CTNND2: variants seen among roughly 807,000 people sequenced by gnomAD.
CTNND2 encodes the protein catenin delta-2.
In CTNND2, 22 loss-of-function variants were observed where a neutral mutation model predicts 144.4. The ratio of observed to expected loss-of-function variants is 0.15; its 90% confidence interval spans 0.11 to 0.22. CTNND2 has a LOEUF of 0.22. CTNND2 is among the 10% of genes least tolerant of loss of function. The probability of loss-of-function intolerance (pLI) is 1.00; values close to 1 mark genes in which losing one functional copy is unlikely to be tolerated. For synonymous variants in CTNND2, 751 were observed against 695.6 expected, an observed-to-expected ratio of 1.08 and a Z score of -1.25; for missense variants, 1,353 against 1,618.8, an observed-to-expected ratio of 0.84 and a Z score of 2.82.
chr5:11,222,527 G>A (rs1346962822), intron 10 of CTNND2, among the ~76,000 whole-genome samples: 1 of 152,158 alleles, frequency 6.6e-6, no homozygotes, highest in Non-Finnish European at 1.5e-5. Flanking sequence ...AAAGCCTTGT[G>A]GGGTGTGTTG....
intron 9 of CTNND2, among the ~76,000 whole-genome samples, chr5:11,335,037 C>T (rs774788265): frequency 2.6e-5 from 4 of 152,148 alleles, no homozygotes; most frequent in Non-Finnish European, 5.9e-5. Flanking sequence ...CTCTTTCTTA[C>T]CTTTCCTCCT....
At chr5:11,893,317 C>A (rs1737132700) in intron 1 of CTNND2, among the ~76,000 whole-genome samples, 1 of 152,098 alleles carries the variant, frequency 6.6e-6, no homozygotes, top group Non-Finnish European at 1.5e-5. Context: ...AAATAGCTAC[C>A]CTTCAACTAG....
At chr5:11,517,108 C>T (rs1772232886) in intron 3 of CTNND2, among the ~76,000 whole-genome samples, 1 of 152,116 alleles carries the variant, frequency 6.6e-6, no homozygotes, top group Admixed American at 6.6e-5. Context: ...AACACTTAAC[C>T]ATTGTGTTTA....
At chr5:11,636,281 A>G (rs1781699924) in intron 2 of CTNND2, among the ~76,000 whole-genome samples, 1 of 152,168 alleles carries the variant, frequency 6.6e-6, no homozygotes, top group African/African-American at 2.4e-5. Context: ...CCGCTCCAGA[A>G]TCATTGTTCA....
intron 1 of CTNND2, among the ~76,000 whole-genome samples, chr5:11,789,550 G>C (rs763613383): frequency 6.6e-6 from 1 of 151,990 alleles, no homozygotes; most frequent in Non-Finnish European, 1.5e-5. Flanking sequence ...CTGGTATAGA[G>C]GAAAGCTATT....
At chr5:11,755,041 T>A (rs1480699562) in intron 1 of CTNND2, among the ~76,000 whole-genome samples, 1 of 151,614 alleles carries the variant, frequency 6.6e-6, no homozygotes, top group African/African-American at 2.4e-5. Flanking sequence ...TGTCACTGAT[T>A]TATGTAGTTG....
intron 3 of CTNND2, among the ~76,000 whole-genome samples, chr5:11,460,170 A>G (rs1158861900): frequency 1.3e-5 from 2 of 152,194 alleles, no homozygotes. Flanking sequence ...AGCCTCCAAC[A>G]TAGGTGAGAC....
At chr5:11,635,932 A>C (rs1030272440) in intron 2 of CTNND2, among the ~76,000 whole-genome samples, 1 of 151,910 alleles carries the variant, frequency 6.6e-6, no homozygotes, top group African/African-American at 2.4e-5. Flanking sequence ...TCTACTTTAT[A>C]TCACAACTGA....
intron 1 of CTNND2, among the ~76,000 whole-genome samples, chr5:11,878,135 A>G (rs1735697393): frequency 6.6e-6 from 1 of 152,222 alleles, no homozygotes; most frequent in Non-Finnish European, 1.5e-5. Context: ...TGTAAAAGCA[A>G]TCAGAAACAC....
chr5:11,267,390 T>C (rs1005386061), intron 9 of CTNND2, among the ~76,000 whole-genome samples: 3 of 152,222 alleles, frequency 2.0e-5, no homozygotes, highest in African/African-American at 4.8e-5. Flanking sequence ...AAAACATTTC[T>C]ACAGTTTATT....
At chr5:11,378,784 C>CT (rs111508900) in intron 7 of CTNND2, among the ~76,000 whole-genome samples, 7 of 151,696 alleles carry the variant, frequency 4.6e-5, no homozygotes, top group African/African-American at 9.7e-5. Context: ...GGACTAGACT[C>CT]TTTTTTTTTC....
At chr5:11,335,248 C>T (rs1753621818) in intron 9 of CTNND2, among the ~76,000 whole-genome samples, 1 of 152,166 alleles carries the variant, frequency 6.6e-6, no homozygotes, top group Admixed American at 6.5e-5. Context: ...CTAATCTTCT[C>T]CTTATCAAGG....
At chr5:11,337,618 A>G (rs1329223763) in intron 9 of CTNND2, among the ~76,000 whole-genome samples, 2 of 152,258 alleles carry the variant, frequency 1.3e-5, no homozygotes, top group African/African-American at 4.8e-5. Context: ...TAACCACGAA[A>G]GAGGAAGTAA....
intron 3 of CTNND2, among the ~76,000 whole-genome samples, chr5:11,468,620 G>A (rs1232000109): frequency 6.6e-6 from 1 of 152,082 alleles, no homozygotes; most frequent in South Asian, 2.1e-4. Context: ...AAACCCTCCT[G>A]CGAGGCTTTA....
intron 21 of CTNND2, among the ~76,000 whole-genome samples, chr5:10,976,172 A>G (rs1344052297): frequency 3.0e-5 from 3 of 100,948 alleles, no homozygotes; most frequent in African/African-American, 1.0e-4. Context: ...CTCTTGTGGT[A>G]TCTTGTGGTA....
intron 3 of CTNND2, among the ~76,000 whole-genome samples, chr5:11,453,128 G>A (rs1485515587): frequency 6.6e-6 from 1 of 152,204 alleles, no homozygotes; most frequent in African/African-American, 2.4e-5. Context: ...GGCAGCTGAA[G>A]TTTAAAACCA....
At chr5:11,514,908 T>A (rs923833006) in intron 3 of CTNND2, among the ~76,000 whole-genome samples, 8 of 152,142 alleles carry the variant, frequency 5.3e-5, no homozygotes, top group African/African-American at 1.7e-4. Flanking sequence ...GTTCAAGCAA[T>A]TCTGTCTCAG....
At chr5:11,085,577 C>T (rs932597302) in intron 15 of CTNND2, among the ~76,000 whole-genome samples, 2 of 152,154 alleles carry the variant, frequency 1.3e-5, no homozygotes, top group African/African-American at 4.8e-5. Flanking sequence ...GTGTTGTCAG[C>T]ATGGGACAGA....
chr5:11,819,143 A>T (rs1339357698), intron 1 of CTNND2, among the ~76,000 whole-genome samples: 2 of 152,154 alleles, frequency 1.3e-5, no homozygotes, highest in Non-Finnish European at 2.9e-5. Flanking sequence ...TGCAAATGTG[A>T]CCAAAGGAGG....
Sources: gnomAD v4.1 joint callset for allele counts (sites outside exome capture counted in the v4.1 genomes callset) on GRCh38, gnomAD v4.1.1 for gene constraint, MANE v1.5 for transcripts, NCBI Gene and HGNC (gene_info 2026-07-23, HGNC 2026-07-21) for gene names.